Variants in HECA observed in about 807,000 individuals in gnomAD.
The protein encoded by HECA is HECA ribonucleoprotein granule regulator.
HECA carries 13 observed loss-of-function variants against 37.6 expected under a neutral mutation model. The observed-to-expected ratio is 0.35, with a 90% CI of 0.23 to 0.55. The LOEUF (loss-of-function observed/expected upper bound fraction) is 0.55, where lower values mean the gene tolerates loss of function less well. Among genes scored for constraint, HECA ranks in the 20% least tolerant of loss-of-function variants. HECA has a pLI of 0.90. For synonymous variants in HECA, 307 were observed against 291.5 expected, an observed-to-expected ratio of 1.05 and a Z score of -0.54; for missense variants, 527 against 701.9, an observed-to-expected ratio of 0.75 and a Z score of 2.82.
intron 1 of HECA, among the ~76,000 whole-genome samples, chr6:139,136,640 TG>T (rs1348258653): frequency 3.5e-5 from 5 of 144,902 alleles, no homozygotes; most frequent in East Asian, 4.1e-4. Flanking sequence ...TTTTTTGTTT[TG>T]TTTTTTTTTT....
intron 1 of HECA, among the ~76,000 whole-genome samples, chr6:139,161,382 G>T (rs1463516831): frequency 2.0e-5 from 3 of 152,098 alleles, no homozygotes. Context: ...AAGTTGGAGT[G>T]GGGGCTCTTC....
rs770198210 is a variant in HECA, at chr6:139,166,798, C to T, written c.786C>T (p.Ala262=). The change falls in exon 2 of 4, where the codon GCC becomes GCT. Residue 262 remains alanine (A), a synonymous_variant. Coordinates refer to ENST00000367658, the MANE Select transcript of HECA (RefSeq NM_016217.3). Reference sequence around the variant, plus strand: ...CAGTGGGTGCCGCAGCCTACGGTGCCCGTTCCCCCGGTGGCTCCCCGGGCC... The same window carrying T: ...CAGTGGGTGCCGCAGCCTACGGTGCTCGTTCCCCCGGTGGCTCCCCGGGCC... ...EKAVGAAAYG[A]RSPGGSPGQS... The T allele has an allele frequency of 2.5e-6, 4 of 1,613,724 alleles. No homozygotes were observed. The highest frequency in any genetic ancestry group is 3.4e-6 in the Non-Finnish European group (4 of 1,179,960).
intron 1 of HECA, among the ~76,000 whole-genome samples, chr6:139,142,568 C>T (rs1774528576): frequency 6.6e-6 from 1 of 152,082 alleles, no homozygotes; most frequent in South Asian, 2.1e-4. Flanking sequence ...CCATTTGCAT[C>T]CGGAATTTGG....
At position 139,135,488 on chromosome 6, in the gene HECA, C is replaced by CAGCGGCGGGCGCGGCGGG. The variant is rs1774419182; in HGVS notation, c.101_118dup (p.Gly34_Ala39dup). On this transcript the variant is annotated inframe_insertion, in exon 1 of 4. Transcript: ENST00000367658. ...CAGGAAAATGGAGCCGGGGCCCTGGCAGCGGCGGGCGCGGCGGGAGCGGCG... is the reference window on the plus strand; with the variant it reads ...CAGGAAAATGGAGCCGGGGCCCTGGCAGCGGCGGGCGCGGCGGGAGCGGCGGGCGCGGCGGGAGCGGCG... The CAGCGGCGGGCGCGGCGGG allele has an allele frequency of 4.2e-6, 5 of 1,198,224 alleles. No individual in the cohort carries two copies. The highest frequency in any genetic ancestry group is 1.0e-4 in the East Asian group (2 of 19,290). 74.2% of individuals were successfully genotyped at this position (1,198,224 alleles called of 1,614,324 possible). A position where few individuals can be genotyped will look rare whatever the true frequency, so the allele number is the denominator to read the frequency against.
intron 1 of HECA, among the ~76,000 whole-genome samples, chr6:139,162,907 C>T (rs1774826537): frequency 6.6e-6 from 1 of 152,256 alleles, no homozygotes; most frequent in African/African-American, 2.4e-5. Flanking sequence ...TGTTAAGGCT[C>T]AGCCTCTGCT....
chr6:139,174,279 G>GATAA, intron 2 of HECA, 106 bp from the exon 3 acceptor site: 2 of 1,303,240 alleles, frequency 1.5e-6, no homozygotes, highest in South Asian at 3.1e-5. Flanking sequence ...TTATCCAAAT[G>GATAA]ATAAAATCTT....
chr6:139,136,359 TA>T (rs1774436482), intron 1 of HECA, among the ~76,000 whole-genome samples: 1 of 152,040 alleles, frequency 6.6e-6, no homozygotes, highest in African/African-American at 2.4e-5. Flanking sequence ...CTCATAATCT[TA>T]GGTAGTGCCT....
intron 1 of HECA, among the ~76,000 whole-genome samples, chr6:139,143,696 A>G (rs2114438376): frequency 6.6e-6 from 1 of 152,110 alleles, no homozygotes; most frequent in African/African-American, 2.4e-5. Flanking sequence ...CCCCATCTCT[A>G]CTAAGAATAG....
intron 1 of HECA, among the ~76,000 whole-genome samples, chr6:139,141,757 T>C (rs1479343488): frequency 3.9e-4 from 57 of 145,358 alleles, no homozygotes; most frequent in African/African-American, 1.0e-3. Context: ...CACCTTCTTT[T>C]TTTTTTTTTT....
chr6:139,177,595 C>G lies in HECA; in HGVS notation c.*490C>G, dbSNP rs1775069177. The G allele has an allele frequency of 6.5e-6, 1 of 152,798 alleles. No individual in the cohort carries two copies. The highest frequency in any genetic ancestry group is 1.5e-5 in the Non-Finnish European group (1 of 68,164). 9.5% of individuals were successfully genotyped at this position (152,798 alleles called of 1,614,324 possible). ...TCTCAGCCTAGTGTTCTGCAGCACA[C>G]ATGGGCAGGCAGTTTACTCACACTG... On this transcript the variant is annotated 3_prime_UTR_variant, in exon 4 of 4. Coordinates refer to ENST00000367658, the MANE Select transcript of HECA (RefSeq NM_016217.3). This position sits in a 1 kb window ranked among gnomAD's most constrained non-coding sequence, Gnocchi z 4.9.
intron 1 of HECA, among the ~76,000 whole-genome samples, chr6:139,141,879 A>ACT (rs1203302873): frequency 2.1e-5 from 3 of 145,228 alleles, no homozygotes; most frequent in Non-Finnish European, 3.0e-5. Context: ...CAGCCTCCCT[A>ACT]GTAGCTGGGA....
chr6:139,168,600 T>TCAGGACCTGGTGTACC (rs1393399842), intron 2 of HECA, among the ~76,000 whole-genome samples: 22 of 152,204 alleles, frequency 1.4e-4, no homozygotes, highest in Non-Finnish European at 2.8e-4. Context: ...CCTGGTGCAC[T>TCAGGACCTGGTGTACC]CAGGACCTGG....
intron 1 of HECA, among the ~76,000 whole-genome samples, chr6:139,157,729 G>T (rs1173865544): frequency 1.3e-5 from 2 of 152,214 alleles, no homozygotes; most frequent in Non-Finnish European, 2.9e-5. Flanking sequence ...TGTAGAGAGT[G>T]GGATGGTACT....
intron 1 of HECA, among the ~76,000 whole-genome samples, chr6:139,152,418 ATG>A (rs56410451): frequency 2.5e-4 from 37 of 147,492 alleles, no homozygotes; most frequent in East Asian, 6.0e-4. Context: ...GAAGCATTGG[ATG>A]TGTGTGTGTG....
chr6:139,161,768 T>TA (rs1774807600), intron 1 of HECA, among the ~76,000 whole-genome samples: 1 of 152,270 alleles, frequency 6.6e-6, no homozygotes, highest in Non-Finnish European at 1.5e-5. Context: ...CTTGGGTTAG[T>TA]AAAATTTGGT....
chr6:139,164,087 C>CTCTT (rs1457097745), intron 1 of HECA, among the ~76,000 whole-genome samples: 1 of 151,544 alleles, frequency 6.6e-6, no homozygotes, highest in Non-Finnish European at 1.5e-5. Flanking sequence ...CACACTCTCT[C>CTCTT]TCTCTCTCTC....
At chr6:139,170,741 A>AT (rs1235631608) in intron 2 of HECA, among the ~76,000 whole-genome samples, 4 of 152,194 alleles carry the variant, frequency 2.6e-5, no homozygotes, top group African/African-American at 9.7e-5. Context: ...GAACTTTGCT[A>AT]TATATTCTTT....
chr6:139,170,362 GTAAC>G (rs1774955457), intron 2 of HECA: 1 of 152,190 alleles, frequency 6.6e-6, no homozygotes, highest in Non-Finnish European at 1.5e-5. Context: ...TTTATAAAAT[GTAAC>G]TAACTTACCA....
intron 2 of HECA, among the ~76,000 whole-genome samples, chr6:139,173,922 A>G (rs1486957997): frequency 6.6e-6 from 1 of 152,236 alleles, no homozygotes; most frequent in Non-Finnish European, 1.5e-5. Flanking sequence ...ATTCTGGGCT[A>G]TCAGTCCCCA....
Sources: gnomAD v4.1 joint callset for allele counts (sites outside exome capture counted in the v4.1 genomes callset) on GRCh38, gnomAD v4.1.1 for gene constraint, Gnocchi (gnomAD v3.1) non-coding constraint, MANE v1.5 for transcripts, NCBI Gene and HGNC (gene_info 2026-07-23, HGNC 2026-07-21) for gene names.